Variants in RBCK1 observed in about 807,000 individuals in gnomAD.
The protein encoded by RBCK1 is ranBP-type and C3HC4-type zinc finger-containing protein 1.
A neutral mutation model predicts 71.1 loss-of-function variants in RBCK1; 44 were observed. That is an observed-to-expected ratio of 0.62 (90% CI 0.49 to 0.80). The LOEUF (loss-of-function observed/expected upper bound fraction) is 0.80, where lower values mean the gene tolerates loss of function less well. RBCK1 is among the 30% of genes least tolerant of loss of function. RBCK1 has a pLI of 0.00. For missense variants in RBCK1, 569 were observed against 685.0 expected (o/e 0.83, Z 1.89); for synonymous variants, 306 against 279.7 (o/e 1.09, Z -0.94).
chr20:420,789 C>A, intron 6 of RBCK1, 82 bp from the exon 7 acceptor site: 1 of 1,290,080 alleles, frequency 7.8e-7, no homozygotes, highest in Non-Finnish European at 1.0e-6. Flanking sequence ...GCCCTGACCA[C>A]GCCCCCTGGC....
At position 427,500 on chromosome 20, in the gene RBCK1, C is replaced by CT. The variant is rs1568566382; in HGVS notation, c.1209+9dup. 1 of 1,612,110 alleles carries CT rather than the reference C, an allele frequency of 6.2e-7. No homozygotes were observed. Among genetic ancestry groups the CT allele is most frequent in the East Asian group, 2.2e-5 (1 of 44,868 alleles). On this transcript the variant is annotated intron_variant, in intron 9 of 11. Transcript: ENST00000356286. Reference sequence around the variant, plus strand: ...AACTGCCTGCTCTGCAAGGTGGGGCCTGCAGGGACTCCCCCCACCTAGTCA... The same window carrying CT: ...AACTGCCTGCTCTGCAAGGTGGGGCCTTGCAGGGACTCCCCCCACCTAGTCA...
intron 8 of RBCK1, among the ~76,000 whole-genome samples, chr20:424,875 T>C (rs1258635674): frequency 6.6e-6 from 1 of 152,070 alleles, no homozygotes; most frequent in Admixed American, 6.6e-5. Flanking sequence ...GTAGTGGAGG[T>C]TGTTTTTACA....
intron 6 of RBCK1, 98 bp from the exon 7 acceptor site, chr20:420,773 G>A (rs1246562936): frequency 1.2e-5 from 11 of 886,302 alleles, no homozygotes; most frequent in Non-Finnish European, 1.5e-5. Flanking sequence ...TGGCTGGTCT[G>A]ACCCAGCCCT....
chr20:420,181 C>T, intron 6 of RBCK1: 1 of 985,240 alleles, frequency 1.0e-6, no homozygotes, highest in Non-Finnish European at 1.2e-6. Context: ...CTGACCTCTT[C>T]CCTCTCGGGC....
chr20:422,300 C>A lies in RBCK1; in HGVS notation c.1029+62C>A. 1 of 1,327,178 alleles carries A rather than the reference C, an allele frequency of 7.5e-7. No individual in the cohort carries two copies. The highest frequency in any genetic ancestry group is 1.1e-6 in the Non-Finnish European group (1 of 934,158). 82.2% of individuals were successfully genotyped at this position (1,327,178 alleles called of 1,614,324 possible). On this transcript the variant is annotated intron_variant, in intron 8 of 11. Transcript: ENST00000356286. This position sits in a 1 kb window ranked among gnomAD's most constrained non-coding sequence, Gnocchi z 5.0. ...AACTCCTAAGGAACTGGGCCCTGAG[C>A]AGGCAGCAGACATCTTTCTTTTCTT...
In RBCK1 at chr20:426,066, A is replaced by AT. The variant is rs371735831; in HGVS notation, c.1030-1242dup. On this transcript the variant is annotated intron_variant, in intron 8 of 11. Coordinates refer to ENST00000356286, the MANE Select transcript of RBCK1 (RefSeq NM_031229.4). ...ACGTACTAGCTTACTAGTTTGTTTA[A>AT]TTTTTATTTTTTATTTTTGCGGGTA... is the stretch of plus-strand genomic sequence containing the variant. 4.0e-3 allele frequency among the ~76,000 whole-genome samples: 610 copies of AT among 152,198 alleles called. 1 individual carries two copies. Among genetic ancestry groups the AT allele is most frequent in the African/African-American group, 0.014 (569 of 41,524 alleles).
chr20:410,063 C>G (rs2015613481), intron 2 of RBCK1, 38 bp downstream of exon 2: 2 of 1,597,096 alleles, frequency 1.3e-6, no homozygotes, highest in Non-Finnish European at 1.7e-6. Flanking sequence ...CAAGGGACAG[C>G]AGGACAGGAT....
chr20:416,774 A>T (rs981244883), intron 2 of RBCK1, among the ~76,000 whole-genome samples: 1 of 152,188 alleles, frequency 6.6e-6, no homozygotes, highest in Non-Finnish European at 1.5e-5. Flanking sequence ...AGGCAGGAGG[A>T]TCACTTGAGG....
intron 8 of RBCK1, among the ~76,000 whole-genome samples, chr20:424,304 T>C (rs1158642100): frequency 6.6e-6 from 1 of 152,224 alleles, no homozygotes; most frequent in East Asian, 1.9e-4. Context: ...GCTTGATTCA[T>C]GGTTTTCAAA....
In RBCK1 at chr20:428,466, A is replaced by T; in HGVS notation, c.1210-25A>T. ...TCTTAACCCCCTGAGGAACCTTCTT[A>T]CCTTGAGTCCCTCACCCGCTACAGG... is the stretch of plus-strand genomic sequence containing the variant. On this transcript the variant is annotated intron_variant, in intron 9 of 11. Transcript: ENST00000356286. The surrounding 1 kb of genome is among the most constrained non-coding windows in gnomAD (Gnocchi z 5.7). 6.4e-7 allele frequency: 1 copy of T among 1,551,830 alleles called. No individual in the cohort carries two copies. Among genetic ancestry groups the T allele is most frequent in the Non-Finnish European group, 8.7e-7 (1 of 1,144,182 alleles).
In RBCK1 at chr20:426,816, C is replaced by CTTTTTT. The variant is rs768525416; in HGVS notation, c.1030-474_1030-469dup. 5.0e-4 allele frequency among the ~76,000 whole-genome samples: 48 copies of CTTTTTT among 95,476 alleles called. 3 individuals carry two copies. The highest frequency in any genetic ancestry group is 2.0e-3 in the African/African-American group (38 of 18,720). 62.6% of individuals were successfully genotyped at this position (95,476 alleles called of 152,430 possible). A position where few individuals can be genotyped will look rare whatever the true frequency, so the allele number is the denominator to read the frequency against. On this transcript the variant is annotated intron_variant, in intron 8 of 11. Coordinates refer to ENST00000356286, the MANE Select transcript of RBCK1 (RefSeq NM_031229.4). Reference sequence around the variant, plus strand: ...TCACTTTCTTTTTACTTTTCTTTTCCTTTTTTTTTTTTTTTTTTTTTTTTT... The same window carrying CTTTTTT: ...TCACTTTCTTTTTACTTTTCTTTTCCTTTTTTTTTTTTTTTTTTTTTTTTTTTTTTT...
intron 2 of RBCK1, among the ~76,000 whole-genome samples, chr20:412,447 A>C (rs1181317583): frequency 6.6e-6 from 1 of 151,774 alleles, no homozygotes; most frequent in Non-Finnish European, 1.5e-5. Context: ...CAGCCTCCTG[A>C]GTAGCTGGAT....
intron 8 of RBCK1, among the ~76,000 whole-genome samples, chr20:423,277 C>T (rs1236865866): frequency 1.3e-5 from 2 of 152,128 alleles, no homozygotes; most frequent in Non-Finnish European, 2.9e-5. Context: ...CCAGCCTGGG[C>T]AACCAGAGCG....
chr20:424,754 G>T (rs1208273509), intron 8 of RBCK1, among the ~76,000 whole-genome samples: 1 of 152,190 alleles, frequency 6.6e-6, no homozygotes, highest in African/African-American at 2.4e-5. Flanking sequence ...CTGGGGCCAG[G>T]TTCATGCCAA....
Position 427,495 on chromosome 20 carries a change from G to A in RBCK1, c.1209+3G>A. ...ACGTCAACTGCCTGCTCTGCAAGGT[G>A]GGGCCTGCAGGGACTCCCCCCACCT... On this transcript the variant is annotated splice_donor_region_variant and intron_variant, in intron 9 of 11. Transcript: ENST00000356286. 1.2e-6 allele frequency: 2 copies of A among 1,612,390 alleles called. No homozygotes were observed. Among genetic ancestry groups the A allele is most frequent in the Non-Finnish European group, 8.5e-7 (1 of 1,179,704 alleles).
At chr20:409,335 C>G (rs1444671017) in intron 1 of RBCK1, among the ~76,000 whole-genome samples, 1 of 152,240 alleles carries the variant, frequency 6.6e-6, no homozygotes, top group African/African-American at 2.4e-5. Context: ...CTGGACCACT[C>G]TTCCCCACTG....
intron 7 of RBCK1, among the ~76,000 whole-genome samples, chr20:421,668 T>C (rs1033148033): frequency 6.6e-6 from 1 of 151,594 alleles, no homozygotes. Context: ...GGTGTGGGCC[T>C]GGCCTGTTGG....
At position 428,895 on chromosome 20, in the gene RBCK1, C is replaced by T; in HGVS notation, c.1309-56C>T. ...ACCTTCTCCCTGCCATGGGGAGGGG[C>T]CAGGCTGGGTGACTGCCCCAGCCCC... On this transcript the variant is annotated intron_variant, in intron 10 of 11. Coordinates refer to ENST00000356286, the MANE Select transcript of RBCK1 (RefSeq NM_031229.4). This position sits in a 1 kb window ranked among gnomAD's most constrained non-coding sequence, Gnocchi z 5.7. 1 of 1,545,122 alleles carries T rather than the reference C, an allele frequency of 6.5e-7. No homozygotes were observed. Among genetic ancestry groups the T allele is most frequent in the African/African-American group, 1.4e-5 (1 of 73,726 alleles).
intron 2 of RBCK1, among the ~76,000 whole-genome samples, chr20:410,234 T>C (rs2015622335): frequency 6.6e-6 from 1 of 152,184 alleles, no homozygotes; most frequent in South Asian, 2.1e-4. Context: ...ACAGTAGCTA[T>C]CTCATAGGGT....
Sources: gnomAD v4.1 joint callset for allele counts (sites outside exome capture counted in the v4.1 genomes callset) on GRCh38, gnomAD v4.1.1 for gene constraint, Gnocchi (gnomAD v3.1) non-coding constraint, MANE v1.5 for transcripts, NCBI Gene and HGNC (gene_info 2026-07-23, HGNC 2026-07-21) for gene names.